ANK3: variants seen among roughly 807,000 people sequenced by gnomAD.
ANK3 encodes ankyrin-3.
ANK3 carries 57 observed loss-of-function variants against 370.9 expected under a neutral mutation model. That is an observed-to-expected ratio of 0.15 (90% CI 0.12 to 0.19). ANK3 has a LOEUF of 0.19. Ranked by LOEUF, ANK3 falls within the 10% of genes least tolerant of loss-of-function variation. The pLI is 1.00. For synonymous variants in ANK3, 1,929 were observed against 1,946.3 expected, an observed-to-expected ratio of 0.99 and a Z score of 0.23; for missense variants, 4,439 against 5,302.1, an observed-to-expected ratio of 0.84 and a Z score of 5.06.
intron 1 of ANK3, among the ~76,000 whole-genome samples, chr10:60,372,029 G>A (rs929093031): frequency 1.3e-5 from 2 of 152,092 alleles, no homozygotes; most frequent in African/African-American, 2.4e-5. Context: ...ACAGACGATA[G>A]AATATTAGAG....
intron 2 of ANK3, among the ~76,000 whole-genome samples, chr10:60,441,987 C>G (rs1356828554): frequency 6.6e-6 from 1 of 152,004 alleles, no homozygotes; most frequent in Non-Finnish European, 1.5e-5. Context: ...TCTGCAACCA[C>G]GAGATTGGTT....
At chr10:60,348,197 C>T (rs1016788615) in intron 1 of ANK3, among the ~76,000 whole-genome samples, 3 of 152,050 alleles carry the variant, frequency 2.0e-5, no homozygotes, top group Non-Finnish European at 4.4e-5. Flanking sequence ...CTATTTCATA[C>T]CAAACAGACT....
chr10:60,467,712 A>C (rs2133070035), intron 2 of ANK3, among the ~76,000 whole-genome samples: 1 of 152,252 alleles, frequency 6.6e-6, no homozygotes, highest in East Asian at 1.9e-4. Context: ...AATATTTCCC[A>C]GTAAATCATG....
chr10:60,259,151 C>T (rs540126135), intron 7 of ANK3, among the ~76,000 whole-genome samples: 1 of 152,278 alleles, frequency 6.6e-6, no homozygotes, highest in South Asian at 2.1e-4. Context: ...AGTGGAGATG[C>T]TAGATTATTA....
intron 2 of ANK3, among the ~76,000 whole-genome samples, chr10:60,441,951 GA>G (rs2064309535): frequency 6.6e-6 from 1 of 151,952 alleles, no homozygotes; most frequent in South Asian, 2.1e-4. Flanking sequence ...ATTTTGCACT[GA>G]AGAGCAAACA....
At chr10:60,059,725 C>T (rs2079964879) in intron 40 of ANK3, 1 of 1,613,500 alleles carries the variant, frequency 6.2e-7, no homozygotes, top group African/African-American at 1.3e-5. Flanking sequence ...AACTGGCTCT[C>T]ATCTACATCC....
At chr10:60,572,769 T>C (rs2077629986) in intron 2 of ANK3, 1 of 1,266,986 alleles carries the variant, frequency 7.9e-7, no homozygotes. Context: ...CAGTCAATTA[T>C]TCTTCTAAAG....
Position 60,134,365 on chromosome 10 carries a change from G to C in ANK3, c.2747C>G (p.Ser916Cys). Residue 916 changes from serine (S) to cysteine (C), a missense_variant, in exon 25 of 44, where the codon TCC becomes TGC. Ser to Cys is a moderately radical substitution (Grantham distance 112). Around this residue, in one of 13 missense-constraint regions of ANK3, gnomAD observed 702 missense variants for 941.5 expected, o/e 0.75. Transcript: ENST00000280772. ...GGTGTAAGACCTATCCGAACTGAAG[G>C]AGCGGAGGCTGTTGTATTTACAGTT... The part of the protein sequence containing the change: ...SLGARSASLR[S>C]FSSDRSYTLN... 1 of 1,612,800 alleles carries C rather than the reference G, an allele frequency of 6.2e-7. No individual in the cohort carries two copies. The highest frequency in any genetic ancestry group is 1.7e-5 in the Admixed American group (1 of 59,792).
In ANK3 at chr10:60,069,597, T is replaced by C. The variant is rs986249509; in HGVS notation, c.11284A>G (p.Met3762Val). 4.3e-6 allele frequency: 7 copies of C among 1,613,926 alleles called. No individual in the cohort carries two copies. Among genetic ancestry groups the C allele is most frequent in the African/African-American group, 4.0e-5 (3 of 74,906 alleles). ...CQGLENETIT[M>V]ISNTANSQMG... The stretch of plus-strand genomic sequence containing the variant: ...TGGCTATTGGCTGTATTTGAAATCA[T>C]TGTTATAGTTTCATTTTCTAATCCC... Residue 3762 changes from methionine (M) to valine (V), a missense_variant, in exon 37 of 44, where the codon ATG becomes GTG. Transcript: ENST00000280772.
Position 60,073,204 on chromosome 10 carries a change from A to G in ANK3, c.7677T>C (p.Phe2559=), listed in dbSNP as rs1256881658. 2 of 1,614,150 alleles carry G rather than the reference A, an allele frequency of 1.2e-6. No homozygotes were observed. The highest frequency in any genetic ancestry group is 1.1e-5 in the South Asian group (1 of 91,076). ...SSPKHAMWMR[F]TEDRLDRGRE... ...TACCTCTGTCTAATCTGTCCTCAGT[A>G]AAGCGCATCCACATGGCATGTTTTG... The change falls in exon 37 of 44, where the codon TTT becomes TTC. Residue 2559 remains phenylalanine, a synonymous_variant. Transcript: ENST00000280772.
At position 60,263,901 on chromosome 10, in the gene ANK3, T is replaced by C; in HGVS notation, c.633A>G (p.Arg211=). 1 of 1,614,120 alleles carries C rather than the reference T, an allele frequency of 6.2e-7. No homozygotes were observed. The highest frequency in any genetic ancestry group is 8.5e-7 in the Non-Finnish European group (1 of 1,180,002). The part of the protein sequence containing the change: ...VRLPALHIAA[R]KDDTKAAALL... Reference sequence around the variant, plus strand: ...GGGCGGCGGCTTTCGTGTCGTCTTTTCGGGCCGCGATATGAAGAGCTGGGA... The same window carrying C: ...GGGCGGCGGCTTTCGTGTCGTCTTTCCGGGCCGCGATATGAAGAGCTGGGA... Residue 211 remains arginine, a synonymous_variant, in exon 6 of 44, where the codon CGA becomes CGG. Coordinates refer to ENST00000280772, the MANE Select transcript of ANK3 (RefSeq NM_020987.5).
chr10:60,696,177 A>C (rs1341356279), intron 1 of ANK3, among the ~76,000 whole-genome samples: 1 of 149,930 alleles, frequency 6.7e-6, no homozygotes, highest in East Asian at 1.9e-4. Flanking sequence ...TCCTCGACAC[A>C]TACACTCTCC....
At chr10:60,538,006 A>C (rs950438428) in intron 2 of ANK3, among the ~76,000 whole-genome samples, 5 of 151,924 alleles carry the variant, frequency 3.3e-5, no homozygotes, top group Admixed American at 6.6e-5. Flanking sequence ...GTTCTTTTTT[A>C]AAATTTGAGC....
chr10:60,685,946 C>T (rs1430152100), intron 1 of ANK3, among the ~76,000 whole-genome samples: 3 of 152,088 alleles, frequency 2.0e-5, no homozygotes, highest in Admixed American at 2.0e-4. Flanking sequence ...AATAGAGCAA[C>T]CCTAGGTATA....
intron 1 of ANK3, among the ~76,000 whole-genome samples, chr10:60,677,747 C>T (rs1292554775): frequency 6.8e-6 from 1 of 146,926 alleles, no homozygotes; most frequent in Non-Finnish European, 1.5e-5. Context: ...AACCTCACCT[C>T]GAGACTGAAT....
At chr10:60,264,799 T>C (rs1165527589) in intron 5 of ANK3, among the ~76,000 whole-genome samples, 1 of 152,156 alleles carries the variant, frequency 6.6e-6, no homozygotes. Context: ...CCTGGTGCTG[T>C]CAGGATAGGT....
chr10:60,211,743 G>A (rs181938829), intron 9 of ANK3, among the ~76,000 whole-genome samples: 2 of 152,000 alleles, frequency 1.3e-5, no homozygotes, highest in Admixed American at 1.3e-4. Flanking sequence ...TAAGGTAAAG[G>A]GAACCTAATT....
chr10:60,199,111 C>T (rs1448248143), intron 13 of ANK3, among the ~76,000 whole-genome samples: 1 of 152,090 alleles, frequency 6.6e-6, no homozygotes, highest in African/African-American at 2.4e-5. Context: ...ACTGGAGAGC[C>T]ACCTCACTAC....
intron 1 of ANK3, among the ~76,000 whole-genome samples, chr10:60,370,074 A>C (rs781741963): frequency 2.0e-5 from 3 of 152,164 alleles, no homozygotes; most frequent in Non-Finnish European, 2.9e-5. Context: ...ATGTTCTTGC[A>C]AAAATCTTTA....
Sources: allele counts gnomAD v4.1 joint callset (sites outside exome capture counted in the v4.1 genomes callset), GRCh38; gene constraint gnomAD v4.1.1; regional missense constraint gnomAD v4.1.1; transcripts MANE v1.5; gene names NCBI Gene and HGNC (gene_info 2026-07-23, HGNC 2026-07-21).